MYT1: variants seen among roughly 807,000 people sequenced by gnomAD.
MYT1 encodes myelin transcription factor 1.
Under a neutral mutation model 123.0 loss-of-function variants are expected in MYT1, and 23 were observed. The ratio of observed to expected loss-of-function variants is 0.19; its 90% confidence interval spans 0.13 to 0.26. The LOEUF is 0.26. Ranked by LOEUF, MYT1 falls within the 10% of genes least tolerant of loss-of-function variation. The pLI, the probability that MYT1 is intolerant of heterozygous loss-of-function variation, is 1.00. For missense variants in MYT1, 1,125 were observed against 1,472.5 expected, an observed-to-expected ratio of 0.76 and a Z score of 3.86; for synonymous variants, 518 against 575.3, an observed-to-expected ratio of 0.90 and a Z score of 1.43.
chr20:64,230,406 G>A (rs73626458), intron 18 of MYT1, among the ~76,000 whole-genome samples: 24 of 152,132 alleles, frequency 1.6e-4, no homozygotes, highest in South Asian at 4.1e-4. Flanking sequence ...CCAGCTACTC[G>A]GGAGGCTGAG....
intron 16 of MYT1, among the ~76,000 whole-genome samples, chr20:64,225,680 G>A (rs1984150211): frequency 6.6e-6 from 1 of 152,212 alleles, no homozygotes; most frequent in South Asian, 2.1e-4. Context: ...GAAGCAGGTG[G>A]TGGGAGGGGT....
At chr20:64,227,320 T>C in intron 16 of MYT1, 95 bp from the exon 17 acceptor site, 2 of 1,188,052 alleles carry the variant, frequency 1.7e-6, no homozygotes, top group Non-Finnish European at 2.4e-6. Context: ...ACTCAAGGGC[T>C]GAGCCCAGAA....
At chr20:64,181,853 A>G in intron 1 of MYT1, among the ~76,000 whole-genome samples, 1 of 152,114 alleles carries the variant, frequency 6.6e-6, no homozygotes, top group East Asian at 1.9e-4. Context: ...TCCAGGAGCC[A>G]TGTGACATGG....
rs1274055270 is a variant in MYT1 at position 64,218,919 on chromosome 20, T to C, written c.1855T>C (p.Tyr619His). ...TSPKAFQCFD[Y>H]SQDAEAAHMA... ...TTCATCCTCTTCTGCAGGCTTTGAC[T>C]ACTCGCAGGACGCCGAGGCTGCACA... The change falls in exon 12 of 23, where the codon TAC becomes CAC. Residue 619 changes from tyrosine (Y) to histidine (H), a missense_variant. Around this residue, in one of 4 missense-constraint regions of MYT1, gnomAD observed 429 missense variants for 604.1 expected, o/e 0.71. Transcript: ENST00000328439. This position sits in a 1 kb window ranked among gnomAD's most constrained non-coding sequence, Gnocchi z 4.0. 1 of 1,613,668 alleles carries C rather than the reference T, an allele frequency of 6.2e-7. No homozygotes were observed. Among genetic ancestry groups the C allele is most frequent in the Non-Finnish European group, 8.5e-7 (1 of 1,180,046 alleles).
chr20:64,227,024 C>G (rs989013079), intron 16 of MYT1, among the ~76,000 whole-genome samples: 3 of 152,234 alleles, frequency 2.0e-5, no homozygotes, highest in Admixed American at 6.5e-5. Context: ...TGCCTTTAGT[C>G]CAGACCGGAC....
Position 64,240,525 on chromosome 20 carries a change from C to T in MYT1, c.*77C>T. On this transcript the variant is annotated 3_prime_UTR_variant, in exon 23 of 23. Transcript: ENST00000328439. ...GCCCTGCCCCGCACCGTGGGGATGC[C>T]CAACTCACAGTGACTTCCCGTTTGG... The T allele has an allele frequency of 6.7e-7, 1 of 1,497,368 alleles. No homozygotes were observed. Among genetic ancestry groups the T allele is most frequent in the Non-Finnish European group, 8.9e-7 (1 of 1,123,506 alleles). The allele number at this position is 1,497,368 out of a possible 1,614,324, so 92.8% of individuals were successfully genotyped here.
chr20:64,199,580 C>T (rs1258493299), intron 3 of MYT1, among the ~76,000 whole-genome samples: 1 of 152,214 alleles, frequency 6.6e-6, no homozygotes, highest in Non-Finnish European at 1.5e-5. Context: ...CCATCCCTGG[C>T]CCTGAGGTCC....
At chr20:64,181,184 G>C (rs762742260) in intron 1 of MYT1, among the ~76,000 whole-genome samples, 2 of 152,016 alleles carry the variant, frequency 1.3e-5, no homozygotes, top group Non-Finnish European at 2.9e-5. Flanking sequence ...AAATTTTATA[G>C]TGCCGGGCTT....
Position 64,205,744 on chromosome 20 carries a change from G to A in MYT1, c.341G>A (p.Gly114Glu). 1 of 1,614,198 alleles carries A rather than the reference G, an allele frequency of 6.2e-7. No homozygotes were observed. The highest frequency in any genetic ancestry group is 1.7e-5 in the Admixed American group (1 of 60,038). ...GATGAATCGGAAGGAACTCTGGAGGGGGCCGAGGCTGAGACGTCAGGACAG... is the reference window on the plus strand; with the variant it reads ...GATGAATCGGAAGGAACTCTGGAGGAGGCCGAGGCTGAGACGTCAGGACAG... ...VSDESEGTLE[G>E]AEAETSGQDE... The change falls in exon 6 of 23, where the codon GGG becomes GAG. Residue 114 changes from glycine (G) to glutamate (E), a missense_variant. Gly to Glu is a moderately conservative substitution (Grantham distance 98). Coordinates refer to ENST00000328439, the MANE Select transcript of MYT1 (RefSeq NM_004535.3).
chr20:64,188,568 C>T (rs1460688043), intron 1 of MYT1, among the ~76,000 whole-genome samples: 1 of 152,202 alleles, frequency 6.6e-6, no homozygotes, highest in Non-Finnish European at 1.5e-5. Flanking sequence ...AAGTGTGAAG[C>T]ACACTCCCCG....
At chr20:64,187,329 G>A (rs553986734) in intron 1 of MYT1, among the ~76,000 whole-genome samples, 46 of 147,250 alleles carry the variant, frequency 3.1e-4, no homozygotes, top group Middle Eastern at 3.8e-3. Flanking sequence ...CCACGTTTCC[G>A]TGGAGAGTTT....
intron 8 of MYT1, 135 bp from the exon 9 acceptor site, chr20:64,211,913 G>T: frequency 1.4e-6 from 1 of 723,546 alleles, no homozygotes; most frequent in Non-Finnish European, 2.4e-6. Flanking sequence ...GCGTTGCTGT[G>T]TCCCCCACCT....
chr20:64,205,727 G>T lies in MYT1; in HGVS notation c.324G>T (p.Ser108=), dbSNP rs200184375. Residue 108 remains serine, a synonymous_variant, in exon 6 of 23, where the codon TCG becomes TCT. Coordinates refer to ENST00000328439, the MANE Select transcript of MYT1 (RefSeq NM_004535.3). ...EVKDASVSDE[S]EGTLEGAEAE... ...AGGACGCCTCTGTTTCGGATGAATC[G>T]GAAGGAACTCTGGAGGGGGCCGAGG... 1.2e-6 allele frequency: 2 copies of T among 1,614,202 alleles called. No homozygotes were observed. The highest frequency in any genetic ancestry group is 1.1e-5 in the South Asian group (1 of 91,080).
At position 64,212,160 on chromosome 20, in the gene MYT1, G is replaced by T; in HGVS notation, c.1517+22G>T. On this transcript the variant is annotated intron_variant, in intron 9 of 22. Transcript: ENST00000328439. This position sits in a 1 kb window ranked among gnomAD's most constrained non-coding sequence, Gnocchi z 6.8. ...GAAGGTACTTGGACTGAGCTGGGCCGTAGTGGGGGCCAGGGTGGGGGCCGT... is the reference window on the plus strand; with the variant it reads ...GAAGGTACTTGGACTGAGCTGGGCCTTAGTGGGGGCCAGGGTGGGGGCCGT... 1 of 1,513,624 alleles carries T rather than the reference G, an allele frequency of 6.6e-7. No individual in the cohort carries two copies. Among genetic ancestry groups the T allele is most frequent in the Non-Finnish European group, 9.0e-7 (1 of 1,113,034 alleles). The allele number at this position is 1,513,624 out of a possible 1,614,324, so 93.8% of individuals were successfully genotyped here.
Position 64,237,348 on chromosome 20 carries a change from C to T in MYT1, c.3051C>T (p.Ser1017=), listed in dbSNP as rs368284873. The part of the protein sequence containing the change: ...LNQEIRDLNE[S]NSEMEAAMVQ... ...AGGAGATCCGAGACCTGAACGAGTCCAACTCGGAGATGGAGGCTGCCATGG... is the reference window on the plus strand; with the variant it reads ...AGGAGATCCGAGACCTGAACGAGTCTAACTCGGAGATGGAGGCTGCCATGG... Residue 1017 remains serine, a synonymous_variant, in exon 21 of 23, where the codon TCC becomes TCT. Coordinates refer to ENST00000328439, the MANE Select transcript of MYT1 (RefSeq NM_004535.3). 2.5e-6 allele frequency: 4 copies of T among 1,609,888 alleles called. No homozygotes were observed. In the African/African-American group the frequency reaches 4.0e-5, roughly 16 times the overall value.
chr20:64,219,264 G>A (rs577008074), intron 12 of MYT1, among the ~76,000 whole-genome samples: 45 of 152,344 alleles, frequency 3.0e-4, no homozygotes, highest in Admixed American at 8.5e-4. Context: ...CAAGGGCTGC[G>A]AACACAAGTT....
In MYT1 at chr20:64,242,043, G is replaced by A. The variant is rs879275867; in HGVS notation, c.*1595G>A. ...GGCGTGTTTCTCGTGTCGCGTTTGC[G>A]TGTCGGCTCTTGCGGTGGAGTCCTG... On this transcript the variant is annotated 3_prime_UTR_variant, in exon 23 of 23. Transcript: ENST00000328439. 3.9e-5 allele frequency: 6 copies of A among 152,532 alleles called. No individual in the cohort carries two copies. The highest frequency in any genetic ancestry group is 5.9e-5 in the Non-Finnish European group (4 of 68,042). 9.4% of individuals were successfully genotyped at this position (152,532 alleles called of 1,614,324 possible).
chr20:64,236,321 G>T (rs1984540820), intron 19 of MYT1, among the ~76,000 whole-genome samples: 1 of 145,142 alleles, frequency 6.9e-6, no homozygotes, highest in Non-Finnish European at 1.5e-5. Context: ...GCCGCGGTGG[G>T]TGACCCTGGG....
At chr20:64,228,023 G>A (rs552306790) in intron 18 of MYT1, 52 bp downstream of exon 18, 153 of 1,564,566 alleles carry the variant, frequency 9.8e-5, no homozygotes, top group South Asian at 1.4e-4. Context: ...TGAGATTTTC[G>A]TGTGTTTTAT....
Sources: allele counts gnomAD v4.1 joint callset (sites outside exome capture counted in the v4.1 genomes callset), GRCh38; gene constraint gnomAD v4.1.1; regional missense constraint gnomAD v4.1.1; non-coding constraint Gnocchi (gnomAD v3.1); transcripts MANE v1.5; gene names NCBI Gene and HGNC (gene_info 2026-07-23, HGNC 2026-07-21).